Variants in SORCS1 observed in about 807,000 individuals in gnomAD.
SORCS1 encodes sortilin related VPS10 domain containing receptor 1, also known as VPS10 domain-containing receptor SorCS1.
SORCS1 carries 60 observed loss-of-function variants against 146.1 expected under a neutral mutation model. The ratio of observed to expected loss-of-function variants is 0.41; its 90% CI spans 0.33 to 0.51. The LOEUF (loss-of-function observed/expected upper bound fraction) is 0.51. Among genes scored for constraint, SORCS1 ranks in the 20% least tolerant of loss-of-function variants. The pLI is 0.21. For missense variants in SORCS1, 1,352 were observed against 1,487.6 expected, an observed-to-expected ratio of 0.91 and a Z score of 1.50; for synonymous variants, 637 against 584.0, an observed-to-expected ratio of 1.09 and a Z score of -1.31.
intron 18 of SORCS1, among the ~76,000 whole-genome samples, chr10:106,644,139 A>T (rs1849253539): frequency 6.6e-6 from 1 of 152,182 alleles, no homozygotes; most frequent in African/African-American, 2.4e-5. Flanking sequence ...ACTATATTTT[A>T]TATGGATTTC....
intron 3 of SORCS1, among the ~76,000 whole-genome samples, chr10:106,811,758 G>T (rs1003055708): frequency 6.6e-6 from 1 of 152,192 alleles, no homozygotes; most frequent in Non-Finnish European, 1.5e-5. Flanking sequence ...TCATTGAGCA[G>T]TTGCTATTAA....
intron 1 of SORCS1, among the ~76,000 whole-genome samples, chr10:107,089,606 A>T (rs1001463306): frequency 6.6e-6 from 1 of 152,228 alleles, no homozygotes; most frequent in African/African-American, 2.4e-5. Context: ...GGGGACTCAA[A>T]CTAGTTCTTA....
intron 2 of SORCS1, among the ~76,000 whole-genome samples, chr10:106,898,452 ATCT>A (rs1951571742): frequency 6.6e-6 from 1 of 152,308 alleles, no homozygotes; most frequent in East Asian, 1.9e-4. Context: ...CTGTGTCATA[ATCT>A]TCTTCCTCTG....
At chr10:106,895,774 C>A (rs530075821) in intron 2 of SORCS1, among the ~76,000 whole-genome samples, 1 of 152,252 alleles carries the variant, frequency 6.6e-6, no homozygotes, top group East Asian at 1.9e-4. Flanking sequence ...CCAGTAATCC[C>A]ACTCTTAGGT....
intron 18 of SORCS1, among the ~76,000 whole-genome samples, chr10:106,637,152 T>C (rs1848776265): frequency 6.6e-6 from 1 of 152,214 alleles, no homozygotes; most frequent in Non-Finnish European, 1.5e-5. Flanking sequence ...TTGTGTGACA[T>C]TTTATAATAG....
At chr10:106,857,066 GGCACCCATCTCCT>G (rs1450589946) in intron 2 of SORCS1, among the ~76,000 whole-genome samples, 2 of 152,126 alleles carry the variant, frequency 1.3e-5, no homozygotes, top group African/African-American at 2.4e-5. Flanking sequence ...ATCTCTGCCT[GGCACCCATCTCCT>G]GATTACTCTA....
chr10:106,918,899 T>C (rs2138368015), intron 2 of SORCS1, among the ~76,000 whole-genome samples: 1 of 152,268 alleles, frequency 6.6e-6, no homozygotes, highest in Non-Finnish European at 1.5e-5. Flanking sequence ...TACAGTGGCA[T>C]GATCTTGGCT....
intron 1 of SORCS1, among the ~76,000 whole-genome samples, chr10:107,012,884 G>C (rs572195562): frequency 5.1e-4 from 78 of 152,212 alleles, no homozygotes; most frequent in African/African-American, 1.5e-3. Flanking sequence ...TACCAAATAT[G>C]AAGGATGCAT....
intron 2 of SORCS1, among the ~76,000 whole-genome samples, chr10:106,892,895 C>CTTTG (rs1554876355): frequency 7.3e-6 from 1 of 137,206 alleles, no homozygotes; most frequent in African/African-American, 2.7e-5. Context: ...TTGGAAAGCC[C>CTTTG]TTTTTTTTTT....
intron 5 of SORCS1, among the ~76,000 whole-genome samples, chr10:106,759,016 T>A (rs7909316): frequency 0.2 from 30,934 of 152,174 alleles, 3,754 homozygotes; most frequent in East Asian, 0.47. Flanking sequence ...CTTGTCTAAC[T>A]TTTTCAGGCA....
chr10:106,971,765 C>G (rs549179537), intron 1 of SORCS1, among the ~76,000 whole-genome samples: 5 of 152,330 alleles, frequency 3.3e-5, no homozygotes, highest in African/African-American at 1.2e-4. Flanking sequence ...CAGAGATCCA[C>G]TTTCCATTCT....
intron 2 of SORCS1, among the ~76,000 whole-genome samples, chr10:106,850,071 G>T (rs12777324): frequency 6.6e-6 from 1 of 151,912 alleles, no homozygotes; most frequent in African/African-American, 2.4e-5. Flanking sequence ...GAGGTGGAGT[G>T]TACAGAGGCA....
At chr10:106,577,582 C>T (rs1010593159) in intron 25 of SORCS1, 27 bp from the exon 26 acceptor site, 2 of 1,609,072 alleles carry the variant, frequency 1.2e-6, no homozygotes, top group African/African-American at 1.3e-5. Context: ...AACACTTACT[C>T]ATTTAATGAC....
At chr10:107,065,436 T>TTTCTTTCTTTCTTTCTTTCTTTC (rs1296290751) in intron 1 of SORCS1, among the ~76,000 whole-genome samples, 1 of 148,558 alleles carries the variant, frequency 6.7e-6, no homozygotes, top group Non-Finnish European at 1.5e-5. Flanking sequence ...TCTTTCTTTC[T>TTTCTTTCTTTCTTTCTTTCTTTC]TTCTTTCTTT....
intron 2 of SORCS1, among the ~76,000 whole-genome samples, chr10:106,953,400 T>C (rs1448354058): frequency 2.6e-5 from 4 of 152,198 alleles, no homozygotes; most frequent in Admixed American, 2.0e-4. Context: ...TGCTATACTG[T>C]ATTTTTTTAC....
chr10:106,920,903 T>C (rs553253019), intron 2 of SORCS1, among the ~76,000 whole-genome samples: 1 of 152,254 alleles, frequency 6.6e-6, no homozygotes, highest in African/African-American at 2.4e-5. Context: ...CTCTTCACCA[T>C]GAGGCCTGCT....
At chr10:107,095,316 G>C in intron 1 of SORCS1, among the ~76,000 whole-genome samples, 1 of 152,144 alleles carries the variant, frequency 6.6e-6, no homozygotes, top group East Asian at 1.9e-4. Context: ...GAGTCAATAT[G>C]AAAGGCCAAG....
chr10:107,168,086 A>G (rs191481659), upstream of SORCS1, among the ~76,000 whole-genome samples: 644 of 152,308 alleles, frequency 4.2e-3, 3 homozygotes, highest in African/African-American at 0.014. Context: ...TCTCCATCAC[A>G]TTTGGCAGGA....
At chr10:106,998,396 T>G (rs1325682482) in intron 1 of SORCS1, among the ~76,000 whole-genome samples, 3 of 152,360 alleles carry the variant, frequency 2.0e-5, no homozygotes, top group Admixed American at 2.0e-4. Context: ...TTCATTTTTT[T>G]GATGTTCAAT....
Sources: allele counts gnomAD v4.1 joint callset (sites outside exome capture counted in the v4.1 genomes callset), GRCh38; gene constraint gnomAD v4.1.1; transcripts MANE v1.5; gene names NCBI Gene and HGNC (gene_info 2026-07-23, HGNC 2026-07-21).